Variants in OGG1 observed in about 807,000 individuals in gnomAD.
OGG1 encodes the protein N-glycosylase/DNA lyase.
In OGG1, 35 loss-of-function variants were observed where a neutral mutation model predicts 42.3. The ratio of observed to expected loss-of-function variants is 0.83; its 90% CI spans 0.63 to 1.10. The LOEUF is 1.10. OGG1 is among the 50% of genes least tolerant of loss of function. OGG1 has a pLI of 0.00. For missense variants in OGG1, 484 were observed against 446.7 expected (o/e 1.08, Z -0.75); for synonymous variants, 189 against 179.0 (o/e 1.06, Z -0.44).
intron 2 of OGG1, chr3:9,780,245 T>C (rs951149206): frequency 1.1e-5 from 13 of 1,176,982 alleles, no homozygotes; most frequent in Non-Finnish European, 1.4e-5. Context: ...CTCTAGAGAC[T>C]GCCGCCATTT....
At chr3:9,763,726 C>T (rs1271394505) in intron 7 of OGG1, among the ~76,000 whole-genome samples, 2 of 152,212 alleles carry the variant, frequency 1.3e-5, no homozygotes, top group Admixed American at 1.3e-4. Flanking sequence ...AGACTCACAC[C>T]TGTAATCCCA....
At chr3:9,778,725 T>G (rs2078397053) in intron 2 of OGG1, among the ~76,000 whole-genome samples, 1 of 152,180 alleles carries the variant, frequency 6.6e-6, no homozygotes, top group African/African-American at 2.4e-5. Flanking sequence ...GTGACCCAGC[T>G]TGGGTTACAT....
exon 4 of OGG1, chr3:9,787,934 A>G: frequency 2.8e-6 from 1 of 360,632 alleles, no homozygotes; most frequent in Non-Finnish European, 5.4e-6. Context: ...CCCAGAGACC[A>G]GCGAGGAGGC....
At chr3:9,790,694 TGAG>T (rs2078708435), downstream of OGG1, among the ~76,000 whole-genome samples, 1 of 152,244 alleles carries the variant, frequency 6.6e-6, no homozygotes, top group African/African-American at 2.4e-5. Flanking sequence ...GGCATTGGGC[TGAG>T]TTTTTGCAAA....
rs1204128733 is a variant in OGG1 at position 9,750,343 on chromosome 3, T to G, written c.57T>G (p.Thr19=). The G allele has an allele frequency of 1.9e-6, 3 of 1,613,996 alleles. No individual in the cohort carries two copies. The South Asian group carries it at 3.3e-5, about 18-fold the overall frequency. The change falls in exon 1 of 7, where the codon ACT becomes ACG. Residue 19 remains threonine, a synonymous_variant. Transcript: ENST00000344629. The part of the protein sequence containing the change: ...RRMGHRTLAS[T]PALWASIPCP... ...TGGGGCATCGTACTCTAGCCTCCAC[T>G]CCTGCCCTGTGGGCCTCCATCCCGT...
chr3:9,770,557 G>T (rs1459715738), downstream of OGG1, among the ~76,000 whole-genome samples: 1 of 152,208 alleles, frequency 6.6e-6, no homozygotes, highest in Non-Finnish European at 1.5e-5. Context: ...CAGAGCGGGT[G>T]GTGGTGCCTA....
chr3:9,757,492 C>T (rs1334500934), downstream of OGG1: 2 of 1,603,170 alleles, frequency 1.2e-6, no homozygotes, highest in Non-Finnish European at 1.7e-6. This position sits in a 1 kb window ranked among gnomAD's most constrained non-coding sequence, Gnocchi z 4.5. Flanking sequence ...GAGCAGGCTG[C>T]CCCCAAGCCC....
At chr3:9,768,983 G>A (rs1486985056), downstream of OGG1, among the ~76,000 whole-genome samples, 2 of 151,934 alleles carry the variant, frequency 1.3e-5, no homozygotes, top group Non-Finnish European at 2.9e-5. Flanking sequence ...ACACATCCCT[G>A]TAGCAGACAT....
rs2077597428 is a variant in OGG1 at position 9,756,970 on chromosome 3, AGGACT to A, written c.949-90_949-86del. On this transcript the variant is annotated intron_variant, in intron 6 of 6. Transcript: ENST00000344629. ...TCATTGCCTTCGGCCCTGTTCCCCA[AGGACT>A]CTTCCACCTCCCAACACTGTCACTA... is the stretch of plus-strand genomic sequence containing the variant. 32 of 1,612,056 alleles carry A rather than the reference AGGACT, an allele frequency of 2.0e-5. No homozygotes were observed. In the South Asian group the frequency reaches 3.5e-4, roughly 18 times the overall value.
At chr3:9,760,364 A>T (rs2077795866), downstream of OGG1, 1 of 310,616 alleles carries the variant, frequency 3.2e-6, no homozygotes. Context: ...GGAGGATGAA[A>T]ATGTTTATGG....
In OGG1 at chr3:9,757,172, A is replaced by G; in HGVS notation, c.*22A>G. The G allele has an allele frequency of 6.2e-7, 1 of 1,613,892 alleles. No individual in the cohort carries two copies. Among genetic ancestry groups the G allele is most frequent in the Non-Finnish European group, 8.5e-7 (1 of 1,179,884 alleles). On this transcript the variant is annotated 3_prime_UTR_variant, in exon 7 of 7. Coordinates refer to ENST00000344629, the MANE Select transcript of OGG1 (RefSeq NM_002542.6). This position sits in a 1 kb window ranked among gnomAD's most constrained non-coding sequence, Gnocchi z 4.5. ...CTAGATGGGGCACCCTGGACAAAGA[A>G]ATTCCCCAAGCACCTTCCCCTCCAT...
At chr3:9,751,645 G>A (rs2077305293) in intron 2 of OGG1, 125 bp from the exon 3 acceptor site, 1 of 883,216 alleles carries the variant, frequency 1.1e-6, no homozygotes, top group Non-Finnish European at 1.9e-6. Context: ...TTTCTCTAAC[G>A]GTGCTGACTC....
At chr3:9,774,375 C>G (rs2078338263) in intron 2 of OGG1, among the ~76,000 whole-genome samples, 2 of 141,972 alleles carry the variant, frequency 1.4e-5, no homozygotes, top group Non-Finnish European at 3.0e-5. Context: ...CACCATTGCA[C>G]TCCAGCCAGA....
Position 9,750,500 on chromosome 3 carries a change from A to C in OGG1, c.137+77A>C. 1.6e-5 allele frequency: 26 copies of C among 1,595,058 alleles called. No individual in the cohort carries two copies. In the South Asian group the frequency reaches 2.9e-4, roughly 18 times the overall value. ...TCAACACTGCCTGGCATGGGGTACA[A>C]AGGAATTTGGGGGATGATGGAAGAA... is the stretch of plus-strand genomic sequence containing the variant. On this transcript the variant is annotated intron_variant, in intron 1 of 6. Transcript: ENST00000344629.
chr3:9,783,992 G>T (rs1384913065), intron 3 of OGG1: 1 of 1,584,600 alleles, frequency 6.3e-7, no homozygotes, highest in Admixed American at 1.7e-5. Flanking sequence ...AGCCTCCAAG[G>T]CCACCCCCGG....
At chr3:9,784,133 G>A in intron 3 of OGG1, 1 of 1,614,190 alleles carries the variant, frequency 6.2e-7, no homozygotes, top group Non-Finnish European at 8.5e-7. Context: ...GTCCTCTGCG[G>A]GGCGGTCCTC....
At chr3:9,788,268 CAG>C (rs924232552), downstream of OGG1, 1 of 152,994 alleles carries the variant, frequency 6.5e-6, no homozygotes, top group Non-Finnish European at 1.5e-5. Context: ...TTTTTTGAGA[CAG>C]AGTCTTGCTC....
In OGG1 at chr3:9,757,209, C is replaced by A; in HGVS notation, c.*59C>A. 2 of 1,613,788 alleles carry A rather than the reference C, an allele frequency of 1.2e-6. No individual in the cohort carries two copies. The highest frequency in any genetic ancestry group is 1.7e-6 in the Non-Finnish European group (2 of 1,179,780). ...ACCTTCCCCTCCATTCCCCACTTCT[C>A]TCTCCCCATCCCCACCCAGTCTCAT... On this transcript the variant is annotated 3_prime_UTR_variant, in exon 7 of 7. Coordinates refer to ENST00000344629, the MANE Select transcript of OGG1 (RefSeq NM_002542.6). This position sits in a 1 kb window ranked among gnomAD's most constrained non-coding sequence, Gnocchi z 4.5.
At chr3:9,775,536 C>T (rs777704522) in intron 2 of OGG1, among the ~76,000 whole-genome samples, 4 of 152,202 alleles carry the variant, frequency 2.6e-5, no homozygotes, top group African/African-American at 7.2e-5. Flanking sequence ...CACAAACCAC[C>T]AGTGGCTCCC....
Sources: allele counts gnomAD v4.1 joint callset (sites outside exome capture counted in the v4.1 genomes callset), GRCh38; gene constraint gnomAD v4.1.1; non-coding constraint Gnocchi (gnomAD v3.1); transcripts MANE v1.5; gene names NCBI Gene and HGNC (gene_info 2026-07-23, HGNC 2026-07-21).